The following ITSN2 variants were observed in gnomAD, a reference collection of about 807,000 sequenced individuals.
ITSN2 encodes the protein intersectin-2.
In ITSN2, 156 loss-of-function variants were observed where a neutral mutation model predicts 243.7. The ratio of observed to expected loss-of-function variants is 0.64; its 90% CI spans 0.56 to 0.73. The LOEUF is 0.73. Among genes scored for constraint, ITSN2 ranks in the 30% least tolerant of loss-of-function variants. The probability of loss-of-function intolerance (pLI) is 0.00; values close to 1 mark genes in which losing one functional copy is unlikely to be tolerated. For synonymous variants in ITSN2, 703 were observed against 699.9 expected (o/e 1.00, Z -0.07); for missense variants, 1,801 against 1,996.1 (o/e 0.90, Z 1.86).
chr2:24,341,733 G>A (rs914423640), intron 1 of ITSN2, among the ~76,000 whole-genome samples: 10 of 152,042 alleles, frequency 6.6e-5, no homozygotes, highest in African/African-American at 1.2e-4. Flanking sequence ...AAAATGCGCC[G>A]GGCATGGTGG....
intron 2 of ITSN2, among the ~76,000 whole-genome samples, chr2:24,323,363 T>C (rs191543789): frequency 5.3e-4 from 80 of 152,328 alleles, no homozygotes; most frequent in African/African-American, 1.8e-3. Flanking sequence ...GATAAATAAA[T>C]TGTGGTACAC....
chr2:24,296,139 G>T (rs1274878128), intron 13 of ITSN2, among the ~76,000 whole-genome samples: 1 of 152,140 alleles, frequency 6.6e-6, no homozygotes, highest in Non-Finnish European at 1.5e-5. Flanking sequence ...TGATGAAGAG[G>T]AATAAATGTT....
At chr2:24,331,375 C>CTT (rs879645468) in intron 1 of ITSN2, among the ~76,000 whole-genome samples, 1 of 144,482 alleles carries the variant, frequency 6.9e-6, no homozygotes. Flanking sequence ...GCCCAGCCTA[C>CTT]TTTTTTTTTT....
chr2:24,298,875 CT>C (rs1341996098), intron 12 of ITSN2, 61 bp from the exon 13 acceptor site: 1 of 1,479,922 alleles, frequency 6.8e-7, no homozygotes, highest in Non-Finnish European at 9.1e-7. Flanking sequence ...GATTCAAAAA[CT>C]GGGAAGACAA....
intron 2 of ITSN2, among the ~76,000 whole-genome samples, chr2:24,325,250 A>T (rs1685037533): frequency 6.6e-6 from 1 of 152,026 alleles, no homozygotes; most frequent in Non-Finnish European, 1.5e-5. Context: ...TGTCTACAAA[A>T]AATCTAAAAA....
At position 24,298,716 on chromosome 2, in the gene ITSN2, A is replaced by C. The variant is rs377396485; in HGVS notation, c.1443T>G (p.Ile481Met). 6.2e-7 allele frequency: 1 copy of C among 1,612,626 alleles called. No individual in the cohort carries two copies. The highest frequency in any genetic ancestry group is 8.5e-7 in the Non-Finnish European group (1 of 1,179,434). The change falls in exon 13 of 40, where the codon ATT (isoleucine) becomes ATG (methionine). Residue 481 changes from isoleucine to methionine, a missense_variant. Physicochemically the swap from Ile to Met is conservative, Grantham distance 10. Around this residue, in one of 5 missense-constraint regions of ITSN2, gnomAD observed 787 missense variants for 803.9 expected, o/e 0.98. Coordinates refer to ENST00000355123, the MANE Select transcript of ITSN2 (RefSeq NM_006277.3). ...LNQKNREQEEIVRLNSKKKNL... is the reference protein window; with the variant it reads ...LNQKNREQEEMVRLNSKKKNL... ...TCTTCTTTTTAGAGTTTAACCTGAC[A>C]ATTTCTTCTTGTTCTCTATTCTTTT...
At chr2:24,230,533 C>T (rs1037637525) in intron 29 of ITSN2, among the ~76,000 whole-genome samples, 3 of 152,090 alleles carry the variant, frequency 2.0e-5, no homozygotes, top group Non-Finnish European at 1.5e-5. Context: ...TTTGGGAGGC[C>T]GAGGTGGGTG....
intron 20 of ITSN2, among the ~76,000 whole-genome samples, chr2:24,265,938 C>T (rs1189536689): frequency 3.9e-5 from 6 of 152,140 alleles, no homozygotes; most frequent in African/African-American, 1.4e-4. Context: ...GGTTATCCTT[C>T]GTTAAGATAA....
intron 1 of ITSN2, among the ~76,000 whole-genome samples, chr2:24,342,855 C>A (rs936410416): frequency 4.6e-5 from 7 of 151,646 alleles, no homozygotes; most frequent in Non-Finnish European, 1.0e-4. Flanking sequence ...CTTGGGAGGC[C>A]GAGGCAAGTG....
At chr2:24,293,534 G>T (rs1680546708) in intron 15 of ITSN2, 154 bp downstream of exon 15, 1 of 405,670 alleles carries the variant, frequency 2.5e-6, no homozygotes, top group South Asian at 6.6e-5. Context: ...CTAACATCTG[G>T]GATATTTTTC....
intron 28 of ITSN2, 34 bp from the exon 29 acceptor site, chr2:24,246,354 AAATT>A: frequency 1.5e-6 from 2 of 1,315,742 alleles, no homozygotes; most frequent in Non-Finnish European, 2.1e-6. Flanking sequence ...CACATTAAAC[AAATT>A]AATTATTCCT....
At chr2:24,291,485 CTTCCTT>C (rs1316042255) in intron 15 of ITSN2, among the ~76,000 whole-genome samples, 5 of 125,268 alleles carry the variant, frequency 4.0e-5, no homozygotes, top group Non-Finnish European at 6.3e-5. Flanking sequence ...ATTTCTTCTT[CTTCCTT>C]TTTTTTTTTT....
intron 25 of ITSN2, among the ~76,000 whole-genome samples, chr2:24,250,297 T>C (rs1368995538): frequency 1.3e-5 from 2 of 152,208 alleles, no homozygotes; most frequent in Non-Finnish European, 2.9e-5. Flanking sequence ...TTAGCGAACA[T>C]TTTCTTAAAA....
At chr2:24,332,201 C>T (rs1440775248) in intron 1 of ITSN2, among the ~76,000 whole-genome samples, 1 of 152,106 alleles carries the variant, frequency 6.6e-6, no homozygotes, top group Non-Finnish European at 1.5e-5. Context: ...AAGATCAGGC[C>T]ATTGCACTCC....
At chr2:24,232,974 TCTAA>T (rs752360917) in intron 29 of ITSN2, among the ~76,000 whole-genome samples, 52 of 152,296 alleles carry the variant, frequency 3.4e-4, no homozygotes, top group African/African-American at 1.1e-3. Context: ...AGGCCCTTAC[TCTAA>T]CTCTTTTTTA....
intron 37 of ITSN2, chr2:24,206,200 C>T (rs1668836266): frequency 2.6e-6 from 1 of 384,392 alleles, no homozygotes; most frequent in East Asian, 9.7e-5. Context: ...TTTTAAAGTA[C>T]CATTAAAATA....
At chr2:24,329,452 T>A (rs913240971) in intron 1 of ITSN2, among the ~76,000 whole-genome samples, 1 of 152,048 alleles carries the variant, frequency 6.6e-6, no homozygotes, top group African/African-American at 2.4e-5. Context: ...TTGTTTGTTT[T>A]AGTAGAGACG....
intron 27 of ITSN2, among the ~76,000 whole-genome samples, chr2:24,247,346 G>A (rs1414867366): frequency 2.6e-5 from 4 of 152,212 alleles, no homozygotes; most frequent in African/African-American, 9.6e-5. Context: ...AGGACAACTG[G>A]AAGCTCTGTT....
intron 1 of ITSN2, chr2:24,330,453 A>G: frequency 1.5e-6 from 1 of 647,290 alleles, no homozygotes. Flanking sequence ...AGCCAAGGTG[A>G]AGAACGAACC....
Sources: gnomAD v4.1 joint callset for allele counts (sites outside exome capture counted in the v4.1 genomes callset) on GRCh38, gnomAD v4.1.1 for gene constraint, gnomAD v4.1.1 regional missense constraint, MANE v1.5 for transcripts, NCBI Gene and HGNC (gene_info 2026-07-23, HGNC 2026-07-21) for gene names.